The following FSTL4 variants were observed in gnomAD, a reference collection of about 807,000 sequenced individuals.
The protein encoded by FSTL4 is follistatin like 4, also known as follistatin-related protein 4.
A neutral mutation model predicts 78.2 loss-of-function variants in FSTL4; 28 were observed. The observed-to-expected ratio is 0.36, with a 90% CI of 0.27 to 0.49. FSTL4 has a LOEUF of 0.49. FSTL4 is among the 20% of genes least tolerant of loss of function. The pLI is 0.98. For synonymous variants in FSTL4, 422 were observed against 440.5 expected (o/e 0.96, Z 0.53); for missense variants, 922 against 1,084.9 (o/e 0.85, Z 2.11).
intron 4 of FSTL4, among the ~76,000 whole-genome samples, chr5:133,343,478 A>C (rs540811259): frequency 6.6e-6 from 1 of 152,378 alleles, no homozygotes; most frequent in African/African-American, 2.4e-5. Flanking sequence ...AGGACTTTTC[A>C]AAACACTGCG....
intron 6 of FSTL4, among the ~76,000 whole-genome samples, chr5:133,283,940 A>G (rs1004536428): frequency 6.6e-6 from 1 of 152,174 alleles, no homozygotes; most frequent in African/African-American, 2.4e-5. Context: ...AGAAAGAGCA[A>G]AGGCGGAAGT....
At chr5:133,727,047 C>T in the FSTL4 span, among the ~76,000 whole-genome samples, 1 of 152,158 alleles carries the variant, frequency 6.6e-6, no homozygotes, top group Admixed American at 6.5e-5. Flanking sequence ...GGGGAACCAT[C>T]ACTTTATTCT....
intron 13 of FSTL4, among the ~76,000 whole-genome samples, chr5:133,211,237 T>C (rs1326717506): frequency 2.0e-5 from 3 of 152,224 alleles, no homozygotes; most frequent in Non-Finnish European, 4.4e-5. Context: ...TTCTTATAGA[T>C]TACAAGCTCA....
intron 6 of FSTL4, among the ~76,000 whole-genome samples, chr5:133,303,834 T>C (rs1227567116): frequency 6.6e-6 from 1 of 152,188 alleles, no homozygotes; most frequent in Admixed American, 6.5e-5. Context: ...GTGGGTCTTC[T>C]CTACACCTCA....
At chr5:133,441,138 C>T (rs1024153534) in intron 3 of FSTL4, among the ~76,000 whole-genome samples, 5 of 152,108 alleles carry the variant, frequency 3.3e-5, no homozygotes, top group Non-Finnish European at 5.9e-5. Context: ...GAAGCCAAGA[C>T]GGGGCAAATT....
rs769466920 is a variant in FSTL4, at chr5:133,221,028, G to A, written c.1340-162C>T. On this transcript the variant is annotated intron_variant, in intron 11 of 15. Coordinates refer to ENST00000265342, the MANE Select transcript of FSTL4 (RefSeq NM_015082.2). The stretch of plus-strand genomic sequence containing the variant: ...GTGGGGTAGAATGAGCAGCCAGCTT[G>A]TAGCTGGATGGGTGCAGAGAGGGCC... The A allele has an allele frequency of 6.2e-5, 44 of 711,730 alleles. No individual in the cohort carries two copies. In the East Asian group the frequency reaches 1.2e-3, roughly 19 times the overall value. The allele number at this position is 711,730 out of a possible 1,614,324, so 44.1% of individuals were successfully genotyped here.
intron 4 of FSTL4, among the ~76,000 whole-genome samples, chr5:133,354,599 A>G (rs1410387280): frequency 6.6e-6 from 1 of 152,156 alleles, no homozygotes; most frequent in East Asian, 1.9e-4. Context: ...CCTTGTGAAC[A>G]GAGTTTGAAC....
At chr5:133,471,563 C>T in intron 3 of FSTL4, among the ~76,000 whole-genome samples, 1 of 152,240 alleles carries the variant, frequency 6.6e-6, no homozygotes, top group South Asian at 2.1e-4. Context: ...CATCTATGAA[C>T]CAGAAAGTGG....
chr5:133,765,635 A>T, the FSTL4 span, among the ~76,000 whole-genome samples: 1 of 152,276 alleles, frequency 6.6e-6, no homozygotes, highest in Non-Finnish European at 1.5e-5. Context: ...AAGGCCCTTG[A>T]ATGGCAGGAA....
intron 2 of FSTL4, among the ~76,000 whole-genome samples, chr5:133,603,275 A>C (rs1760908579): frequency 6.6e-6 from 1 of 152,206 alleles, no homozygotes; most frequent in Admixed American, 6.6e-5. Context: ...CTAAGCAATT[A>C]GCAGAACATC....
the FSTL4 span, among the ~76,000 whole-genome samples, chr5:133,638,477 A>G: frequency 1.2e-3 from 189 of 152,278 alleles, no homozygotes; most frequent in African/African-American, 4.1e-3. Flanking sequence ...CCTCTGCTGC[A>G]GCTCCACTGG....
chr5:133,574,910 C>T (rs191082456), intron 2 of FSTL4: 29 of 151,974 alleles, frequency 1.9e-4, no homozygotes, highest in African/African-American at 5.6e-4. Flanking sequence ...GTAACCTTTG[C>T]GAGGATAATG....
chr5:133,307,594 G>A (rs1263814080), intron 6 of FSTL4, among the ~76,000 whole-genome samples: 1 of 152,030 alleles, frequency 6.6e-6, no homozygotes, highest in Non-Finnish European at 1.5e-5. Flanking sequence ...TAACTACGGC[G>A]ATATTGACAA....
chr5:133,457,568 G>C (rs966664111), intron 3 of FSTL4, among the ~76,000 whole-genome samples: 4 of 152,210 alleles, frequency 2.6e-5, no homozygotes, highest in Non-Finnish European at 5.9e-5. Context: ...GAAGGGATGC[G>C]AGTGAGCTGT....
chr5:133,317,276 T>C (rs186101217), intron 4 of FSTL4, among the ~76,000 whole-genome samples: 2 of 152,350 alleles, frequency 1.3e-5, no homozygotes. Context: ...CTGAACAGCA[T>C]CAGAACCATG....
intron 13 of FSTL4, among the ~76,000 whole-genome samples, chr5:133,213,013 AT>A (rs530591042): frequency 0.46 from 64,634 of 141,226 alleles, 14,370 homozygotes; most frequent in African/African-American, 0.59. Context: ...GAAAGTAAAG[AT>A]TTTTTTTTTT....
At chr5:133,240,149 C>T (rs1751799596) in intron 7 of FSTL4, among the ~76,000 whole-genome samples, 1 of 152,190 alleles carries the variant, frequency 6.6e-6, no homozygotes, top group African/African-American at 2.4e-5. Flanking sequence ...AGACCACGAA[C>T]CCACCAGAAG....
At chr5:133,395,348 T>G (rs1188468865) in intron 4 of FSTL4, among the ~76,000 whole-genome samples, 1 of 152,254 alleles carries the variant, frequency 6.6e-6, no homozygotes, top group East Asian at 1.9e-4. Context: ...CCTTAAGAGC[T>G]GTAACACTCA....
At chr5:133,370,962 CA>C (rs1755285122) in intron 4 of FSTL4, among the ~76,000 whole-genome samples, 1 of 152,188 alleles carries the variant, frequency 6.6e-6, no homozygotes, top group African/African-American at 2.4e-5. Flanking sequence ...TGACTGGCTG[CA>C]AACTGGGTTC....
Sources: allele counts gnomAD v4.1 joint callset (sites outside exome capture counted in the v4.1 genomes callset), GRCh38; gene constraint gnomAD v4.1.1; transcripts MANE v1.5; gene names NCBI Gene and HGNC (gene_info 2026-07-23, HGNC 2026-07-21).